NRXN3: variants seen among roughly 807,000 people sequenced by gnomAD.
NRXN3 encodes the protein neurexin 3.
A neutral mutation model predicts 137.6 loss-of-function variants in NRXN3; 32 were observed. The observed-to-expected ratio is 0.23, with a 90% CI of 0.18 to 0.31. The LOEUF is 0.31. Among genes scored for constraint, NRXN3 ranks in the 10% least tolerant of loss-of-function variants. The pLI is 1.00. For synonymous variants in NRXN3, 798 were observed against 784.5 expected, an observed-to-expected ratio of 1.02 and a Z score of -0.29; for missense variants, 1,574 against 2,062.5, an observed-to-expected ratio of 0.76 and a Z score of 4.59.
intron 4 of NRXN3, among the ~76,000 whole-genome samples, chr14:78,412,447 T>A (rs1461171579): frequency 6.6e-6 from 1 of 152,240 alleles, no homozygotes; most frequent in Non-Finnish European, 1.5e-5. Context: ...TTCATCTACA[T>A]TGATTGATAC....
chr14:78,315,960 A>G (rs1172275443), intron 4 of NRXN3, among the ~76,000 whole-genome samples: 1 of 152,148 alleles, frequency 6.6e-6, no homozygotes, highest in African/African-American at 2.4e-5. Flanking sequence ...CATTACCTCC[A>G]TGATGTTCTG....
chr14:79,730,263 G>A (rs1299486682), intron 19 of NRXN3, among the ~76,000 whole-genome samples: 2 of 152,270 alleles, frequency 1.3e-5, no homozygotes, highest in East Asian at 1.9e-4. Context: ...CAGGTTGCAG[G>A]AAATTAATTG....
chr14:79,534,236 ACTT>A (rs1438398810), intron 16 of NRXN3, among the ~76,000 whole-genome samples: 1 of 152,190 alleles, frequency 6.6e-6, no homozygotes, highest in Non-Finnish European at 1.5e-5. Context: ...CTATTGGTAT[ACTT>A]GGTTTAGCTG....
At chr14:78,248,815 G>A (rs892649658) in intron 2 of NRXN3, among the ~76,000 whole-genome samples, 5 of 152,136 alleles carry the variant, frequency 3.3e-5, no homozygotes, top group African/African-American at 1.2e-4. Context: ...AACAGAAGCA[G>A]GGCCTTAAAA....
At chr14:79,034,337 GTTC>G (rs1430187700) in intron 15 of NRXN3, among the ~76,000 whole-genome samples, 1 of 75,394 alleles carries the variant, frequency 1.3e-5, no homozygotes, top group African/African-American at 5.7e-5. Flanking sequence ...TATAATTATG[GTTC>G]TTATTTCTTA....
intron 4 of NRXN3, among the ~76,000 whole-genome samples, chr14:78,496,944 G>A (rs1172603374): frequency 1.3e-5 from 2 of 152,074 alleles, no homozygotes; most frequent in Non-Finnish European, 1.5e-5. Flanking sequence ...CATGTGACTA[G>A]CATGAGTTAA....
At chr14:78,773,037 C>T (rs1353809793) in intron 8 of NRXN3, among the ~76,000 whole-genome samples, 1 of 152,226 alleles carries the variant, frequency 6.6e-6, no homozygotes, top group East Asian at 1.9e-4. Flanking sequence ...CCGATTGGCT[C>T]ATAATAAACT....
intron 10 of NRXN3, among the ~76,000 whole-genome samples, chr14:78,859,086 C>G (rs901319077): frequency 6.6e-6 from 1 of 152,130 alleles, no homozygotes; most frequent in Non-Finnish European, 1.5e-5. Flanking sequence ...ATGCTGTTCT[C>G]ATCATAGTGA....
At chr14:79,083,152 CTTG>C (rs2047394253) in intron 15 of NRXN3, among the ~76,000 whole-genome samples, 1 of 152,192 alleles carries the variant, frequency 6.6e-6, no homozygotes, top group Non-Finnish European at 1.5e-5. Context: ...TAAGTCTAAG[CTTG>C]TTGTTCCTGA....
chr14:78,233,688 C>CA (rs10673907), intron 1 of NRXN3, among the ~76,000 whole-genome samples: 13,451 of 117,510 alleles, frequency 0.11, 1,506 homozygotes, highest in African/African-American at 0.27. Flanking sequence ...AAGTATGCTT[C>CA]AAAAAAAAAA....
chr14:79,432,639 TA>T (rs1254011273), intron 15 of NRXN3, among the ~76,000 whole-genome samples: 3 of 152,246 alleles, frequency 2.0e-5, no homozygotes, highest in African/African-American at 7.2e-5. Context: ...CTTAATATTC[TA>T]AAGTATCTTG....
chr14:78,821,420 C>A (rs1465673933), intron 10 of NRXN3, among the ~76,000 whole-genome samples: 3 of 152,128 alleles, frequency 2.0e-5, no homozygotes, highest in African/African-American at 7.2e-5. Context: ...TTCTTCCTTT[C>A]CTCCCCAGAA....
At chr14:78,720,226 A>T (rs1305558308) in intron 8 of NRXN3, among the ~76,000 whole-genome samples, 1 of 152,200 alleles carries the variant, frequency 6.6e-6, no homozygotes, top group Non-Finnish European at 1.5e-5. Flanking sequence ...TCTCTTGCCT[A>T]GAACTCTCCC....
intron 16 of NRXN3, among the ~76,000 whole-genome samples, chr14:79,541,121 A>G (rs1178154517): frequency 2.0e-5 from 3 of 152,082 alleles, no homozygotes; most frequent in South Asian, 4.1e-4. Context: ...TTCTAAAGAC[A>G]CTTGCCAGGC....
chr14:79,380,140 A>G (rs2094423344), intron 15 of NRXN3, among the ~76,000 whole-genome samples: 1 of 116,992 alleles, frequency 8.5e-6, no homozygotes, highest in Non-Finnish European at 1.8e-5. Flanking sequence ...AGACCTAGAT[A>G]TACTTCTTCT....
rs561601846 is a variant in NRXN3 at position 78,345,825 on chromosome 14, C to T, written c.757+47965C>T. ...TGCCACTTGTTGCAAAAAATGTTGA[C>T]AATACCGAGGGAAACTGAGACTTGA... is the stretch of plus-strand genomic sequence containing the variant. On this transcript the variant is annotated intron_variant, in intron 4 of 20. Transcript: ENST00000335750. Among the ~76,000 whole-genome samples, 7 of 152,256 alleles carry T rather than the reference C, an allele frequency of 4.6e-5. No individual in the cohort carries two copies. In the South Asian group the frequency reaches 1.5e-3, roughly 32 times the overall value.
chr14:79,460,092 C>T (rs2096310294), intron 15 of NRXN3, among the ~76,000 whole-genome samples: 1 of 152,016 alleles, frequency 6.6e-6, no homozygotes, highest in South Asian at 2.1e-4. Flanking sequence ...ATGTGTTTGT[C>T]AAAACTCATC....
chr14:78,431,334 T>A (rs2093871369), intron 4 of NRXN3, among the ~76,000 whole-genome samples: 1 of 152,182 alleles, frequency 6.6e-6, no homozygotes, highest in African/African-American at 2.4e-5. Flanking sequence ...CTCAAGAAGC[T>A]TAAATCTAAT....
intron 9 of NRXN3, among the ~76,000 whole-genome samples, chr14:78,807,949 C>A (rs1359524009): frequency 2.0e-5 from 3 of 151,848 alleles, no homozygotes. Context: ...AAGGAAATTG[C>A]CTTCCCAACT....
Sources: gnomAD v4.1 joint callset for allele counts (sites outside exome capture counted in the v4.1 genomes callset) on GRCh38, gnomAD v4.1.1 for gene constraint, MANE v1.5 for transcripts, NCBI Gene and HGNC (gene_info 2026-07-23, HGNC 2026-07-21) for gene names.